ACYP2: variants seen among roughly 807,000 people sequenced by gnomAD.
ACYP2 encodes the protein acylphosphatase 2.
ACYP2 carries 12 observed loss-of-function variants against 11.2 expected under a neutral mutation model. The observed-to-expected ratio is 1.08, with a 90% CI of 0.69 to 1.74. The LOEUF is 1.74. Ranked by LOEUF, ACYP2 falls within the 40% of genes most tolerant of loss-of-function variation. ACYP2 has a pLI of 0.00. For missense variants in ACYP2, 134 were observed against 101.9 expected (o/e 1.31, Z -1.35); for synonymous variants, 43 against 32.2 (o/e 1.33, Z -1.13).
chr2:54,053,692 A>G lies in ACYP2; in HGVS notation c.155+2642A>G, dbSNP rs902849179. Among the ~76,000 whole-genome samples the G allele has an allele frequency of 3.9e-5, 6 of 152,322 alleles. No individual in the cohort carries two copies. In the South Asian group the frequency reaches 6.2e-4, roughly 16 times the overall value. ...GTAGATTGTGACCACACCTTCTTCA[A>G]TGAGCTCTGATCCCTTCCTCCAAGT... is the stretch of plus-strand genomic sequence containing the variant. On this transcript the variant is annotated intron_variant, in intron 3 of 6. Coordinates refer to ENST00000607452, the MANE Select transcript of ACYP2 (RefSeq NM_001320586.2).
At position 54,147,406 on chromosome 2, in the gene ACYP2, C is replaced by T. The variant is rs114526841; in HGVS notation, c.404+8658C>T. ...GTCTTCTGCAGTGGTGTCTCCAAAT[C>T]CTGAGTCTTCTGTGAGGTCCATGGG... On this transcript the variant is annotated intron_variant, in intron 6 of 6. Transcript: ENST00000607452. 5.3e-3 allele frequency among the ~76,000 whole-genome samples: 813 copies of T among 152,234 alleles called. 4 individuals carry two copies. Among genetic ancestry groups the T allele is most frequent in the Middle Eastern group, 0.031 (9 of 294 alleles).
chr2:54,203,449 CTTT>C (rs1684939947), intron 6 of ACYP2, among the ~76,000 whole-genome samples: 1 of 152,130 alleles, frequency 6.6e-6, no homozygotes, highest in Non-Finnish European at 1.5e-5. Context: ...ATATGAATGA[CTTT>C]TATTTCTTTT....
rs77208768 is a variant in ACYP2 at position 54,101,373 on chromosome 2, C to T, written c.278-34080C>T. Among the ~76,000 whole-genome samples the T allele has an allele frequency of 8.7e-3, 1,330 of 152,042 alleles. 13 individuals are homozygous for T. The highest frequency in any genetic ancestry group is 0.03 in the African/African-American group (1,260 of 41,454). ...TCTTCCCCTTGGGAGAGATTTATAA[C>T]TTAAGAACTGCCAGGGGCCGGGCGC... On this transcript the variant is annotated intron_variant, in intron 4 of 6. Coordinates refer to ENST00000607452, the MANE Select transcript of ACYP2 (RefSeq NM_001320586.2).
intron 2 of ACYP2, among the ~76,000 whole-genome samples, chr2:54,015,165 G>C (rs1673609878): frequency 6.6e-6 from 1 of 151,862 alleles, no homozygotes; most frequent in Admixed American, 6.6e-5. Flanking sequence ...TCAGGTATTT[G>C]AGATCAGCCT....
At chr2:54,164,503 G>A (rs750917537) in intron 6 of ACYP2, among the ~76,000 whole-genome samples, 28 of 152,048 alleles carry the variant, frequency 1.8e-4, no homozygotes, top group Non-Finnish European at 2.8e-4. Flanking sequence ...ACCGGCACTG[G>A]GTACATAGGG....
intron 4 of ACYP2, among the ~76,000 whole-genome samples, chr2:54,067,378 C>T (rs997024725): frequency 1.3e-5 from 2 of 152,148 alleles, no homozygotes; most frequent in African/African-American, 4.8e-5. Flanking sequence ...TCAACGAGAG[C>T]ATCAGAAATA....
intron 4 of ACYP2, among the ~76,000 whole-genome samples, chr2:54,126,198 T>C (rs1680490609): frequency 6.6e-6 from 1 of 152,244 alleles, no homozygotes; most frequent in Admixed American, 6.5e-5. Context: ...CGTATGTATT[T>C]TTGTGACTGT....
At chr2:54,129,335 G>T (rs558429849) in intron 4 of ACYP2, among the ~76,000 whole-genome samples, 1 of 151,946 alleles carries the variant, frequency 6.6e-6, no homozygotes, top group East Asian at 1.9e-4. Flanking sequence ...GTCTTGCTTT[G>T]TTGCCCAGGC....
intron 5 of ACYP2, 77 bp from the exon 3 acceptor site, chr2:54,138,562 G>T: frequency 1.8e-6 from 2 of 1,120,166 alleles, no homozygotes; most frequent in Non-Finnish European, 2.6e-6. Flanking sequence ...AGCATTTTTT[G>T]GATATTAGAA....
intron 4 of ACYP2, among the ~76,000 whole-genome samples, chr2:54,119,354 G>A (rs1680009186): frequency 6.6e-6 from 1 of 152,002 alleles, no homozygotes; most frequent in South Asian, 2.1e-4. Flanking sequence ...ACTAGCCTGG[G>A]CAACAGAGTG....
intron 2 of ACYP2, among the ~76,000 whole-genome samples, chr2:54,014,563 C>T (rs1481005872): frequency 6.6e-6 from 1 of 152,034 alleles, no homozygotes; most frequent in Non-Finnish European, 1.5e-5. Context: ...TTAAGTGATC[C>T]GCCCACCTTG....
intron 6 of ACYP2, among the ~76,000 whole-genome samples, chr2:54,156,292 T>C (rs1333866630): frequency 6.6e-6 from 1 of 152,202 alleles, no homozygotes; most frequent in Non-Finnish European, 1.5e-5. Context: ...CCAGGATACA[T>C]GTGCAGAATG....
At chr2:54,047,169 A>G (rs1675571030) in intron 2 of ACYP2, among the ~76,000 whole-genome samples, 1 of 152,218 alleles carries the variant, frequency 6.6e-6, no homozygotes, top group Non-Finnish European at 1.5e-5. Context: ...CTGGATGTAT[A>G]TAATTGACGT....
At chr2:54,239,745 G>A (rs1221442304) in intron 6 of ACYP2, among the ~76,000 whole-genome samples, 9 of 152,168 alleles carry the variant, frequency 5.9e-5, no homozygotes, top group Non-Finnish European at 1.0e-4. Flanking sequence ...ACCACCCATG[G>A]TGACCTAAGA....
intron 2 of ACYP2, among the ~76,000 whole-genome samples, chr2:54,049,941 T>G (rs888662379): frequency 6.6e-6 from 1 of 152,180 alleles, no homozygotes; most frequent in Non-Finnish European, 1.5e-5. Context: ...TGAAGAGTGG[T>G]TTTTGGAAAG....
chr2:54,039,277 C>A (rs1241335302), intron 2 of ACYP2, among the ~76,000 whole-genome samples: 2 of 57,024 alleles, frequency 3.5e-5, no homozygotes, highest in African/African-American at 1.3e-4. Flanking sequence ...TTCTTTTCTT[C>A]TCTTTTTTTC....
At chr2:54,123,119 C>G (rs989418311) in intron 4 of ACYP2, 2 of 368,256 alleles carry the variant, frequency 5.4e-6, no homozygotes, top group Non-Finnish European at 9.6e-6. Flanking sequence ...TAAATTTACC[C>G]AGTAGATGAG....
chr2:54,020,678 C>T (rs560409617), intron 2 of ACYP2, among the ~76,000 whole-genome samples: 42 of 152,266 alleles, frequency 2.8e-4, no homozygotes, highest in African/African-American at 8.9e-4. Flanking sequence ...TGCGAGAATC[C>T]ATATGATCCA....
intron 6 of ACYP2, chr2:54,256,396 T>C: frequency 2.0e-6 from 1 of 495,666 alleles, no homozygotes; most frequent in Non-Finnish European, 3.7e-6. Context: ...ATGGTGGTTT[T>C]AATTTGCATT....
Sources: gnomAD v4.1 joint callset for allele counts (sites outside exome capture counted in the v4.1 genomes callset) on GRCh38, gnomAD v4.1.1 for gene constraint, MANE v1.5 for transcripts, NCBI Gene and HGNC (gene_info 2026-07-23, HGNC 2026-07-21) for gene names.